SCN4A: variants seen among roughly 807,000 people sequenced by gnomAD.
SCN4A encodes the protein sodium channel protein type 4 subunit alpha.
In SCN4A, 83 loss-of-function variants were observed where a neutral mutation model predicts 162.0. That is an observed-to-expected ratio of 0.51 (90% CI 0.43 to 0.61). SCN4A has a LOEUF of 0.61. Ranked by LOEUF, SCN4A falls within the 20% of genes least tolerant of loss-of-function variation. The pLI, the probability that SCN4A is intolerant of heterozygous loss-of-function variation, is 0.00. For missense variants in SCN4A, 2,196 were observed against 2,462.5 expected (o/e 0.89, Z 2.29); for synonymous variants, 944 against 985.1 (o/e 0.96, Z 0.78).
chr17:63,950,922 G>C lies in SCN4A; in HGVS notation c.2853+502C>G, dbSNP rs879811843. ...TGTCCTCAACTCCCGTTGGCCCCTAGCTCCTCTCCTGAATCCCCTGCCTGG... is the reference window on the plus strand; with the variant it reads ...TGTCCTCAACTCCCGTTGGCCCCTACCTCCTCTCCTGAATCCCCTGCCTGG... On this transcript the variant is annotated intron_variant, in intron 14 of 23. Transcript: ENST00000435607. The surrounding 1 kb of genome is among the most constrained non-coding windows in gnomAD (Gnocchi z 4.6). 1.3e-5 allele frequency among the ~76,000 whole-genome samples: 2 copies of C among 152,226 alleles called. No individual in the cohort carries two copies. The highest frequency in any genetic ancestry group is 2.9e-5 in the Non-Finnish European group (2 of 68,032).
intron 18 of SCN4A, 47 bp downstream of exon 18, chr17:63,946,997 GC>G: frequency 6.6e-7 from 1 of 1,512,636 alleles, no homozygotes; most frequent in Non-Finnish European, 9.0e-7. Context: ...AGTGAAGGTG[GC>G]CGGTCCCCCA....
chr17:63,944,941 T>TCC lies in SCN4A; in HGVS notation c.3774+64_3774+65dup. 6.3e-7 allele frequency: 1 copy of TCC among 1,593,918 alleles called. No homozygotes were observed. The highest frequency in any genetic ancestry group is 1.1e-5 in the South Asian group (1 of 89,622). ...CGGGGACAGAACGTGCTGCCAAGTC[T>TCC]CCCTCCTGTCTTGAGTCCTCTTCCC... is the stretch of plus-strand genomic sequence containing the variant. On this transcript the variant is annotated intron_variant, in intron 20 of 23. Coordinates refer to ENST00000435607, the MANE Select transcript of SCN4A (RefSeq NM_000334.4). The surrounding 1 kb of genome is among the most constrained non-coding windows in gnomAD (Gnocchi z 4.3).
chr17:63,947,265 G>T, intron 17 of SCN4A, 98 bp from the exon 18 acceptor site: 1 of 1,486,424 alleles, frequency 6.7e-7, no homozygotes, highest in African/African-American at 1.4e-5. Context: ...GCTCCTGGTT[G>T]TCTCCCTTAG....
rs779564396 is a variant in SCN4A at position 63,941,031 on chromosome 17, A to C, written c.5251T>G (p.Ser1751Ala). Residue 1751 changes from serine (S) to alanine (A), a missense_variant, in exon 24 of 24, where the codon TCC (serine) becomes GCC (alanine). Ser to Ala is a moderately conservative substitution (Grantham distance 99). Transcript: ENST00000435607. The surrounding 1 kb of genome is among the most constrained non-coding windows in gnomAD (Gnocchi z 6.2). ...HLLQRSMKQA[S>A]YMYRHSHDGS... is the part of the protein sequence containing the mutation. ...TCGTGGCTGTGGCGGTACATGTAGG[A>C]TGCCTGCTTCATGGAGCGCTGTAGC... The C allele has an allele frequency of 6.2e-7, 1 of 1,613,852 alleles. No homozygotes were observed. Among genetic ancestry groups the C allele is most frequent in the Admixed American group, 1.7e-5 (1 of 60,008 alleles).
Position 63,945,448 on chromosome 17 carries a change from C to G in SCN4A, c.3632G>C (p.Ser1211Thr). ...GCGGACCTGGCCTGTGTGCATGAGG[C>G]TCTCGCACTCAGACTTGTTGTTGAC... Reference protein sequence around the residue: ...SEVNNKSECESLMHTGQVRWL... With the variant: ...SEVNNKSECETLMHTGQVRWL... The change falls in exon 19 of 24, where the codon AGC becomes ACC. Residue 1211 changes from serine to threonine, a missense_variant. Transcript: ENST00000435607. The surrounding 1 kb of genome is among the most constrained non-coding windows in gnomAD (Gnocchi z 4.4). 1 of 1,613,930 alleles carries G rather than the reference C, an allele frequency of 6.2e-7. No individual in the cohort carries two copies. The highest frequency in any genetic ancestry group is 8.5e-7 in the Non-Finnish European group (1 of 1,179,840).
chr17:63,959,936 T>G (rs1270397208), intron 11 of SCN4A, among the ~76,000 whole-genome samples: 1 of 152,158 alleles, frequency 6.6e-6, no homozygotes, highest in African/African-American at 2.4e-5. Flanking sequence ...CAGTTCAGCA[T>G]CCTGTCTGTA....
Position 63,951,683 on chromosome 17 carries a change from C to T in SCN4A, c.2594G>A (p.Gly865Glu), listed in dbSNP as rs1363503181. ...MLSLGEADGAGEAGEAGETAP... is the reference protein window; with the variant it reads ...MLSLGEADGAEEAGEAGETAP... The stretch of plus-strand genomic sequence containing the variant: ...AGTCTCCCCCGCCTCTCCAGCCTCC[C>T]CGGCCCCGTCAGCCTCCCCGAGGCT... The change falls in exon 14 of 24, where the codon GGG (glycine) becomes GAG (glutamate). Residue 865 changes from glycine (G) to glutamate (E), a missense_variant. By Grantham distance (98) the Gly-to-Glu change is moderately conservative. Coordinates refer to ENST00000435607, the MANE Select transcript of SCN4A (RefSeq NM_000334.4). This position sits in a 1 kb window ranked among gnomAD's most constrained non-coding sequence, Gnocchi z 4.5. 4.4e-6 allele frequency: 7 copies of T among 1,603,352 alleles called. No homozygotes were observed. The highest frequency in any genetic ancestry group is 5.1e-6 in the Non-Finnish European group (6 of 1,174,770).
chr17:63,959,736 T>C (rs1909185229), intron 11 of SCN4A, among the ~76,000 whole-genome samples: 1 of 152,208 alleles, frequency 6.6e-6, no homozygotes, highest in Non-Finnish European at 1.5e-5. Context: ...TGTCATAATA[T>C]TCAACATTTG....
chr17:63,946,896 G>A (rs1908742079), intron 18 of SCN4A, 149 bp downstream of exon 18: 2 of 745,248 alleles, frequency 2.7e-6, no homozygotes, highest in Non-Finnish European at 2.2e-6. Context: ...GGAGGTGGGG[G>A]CCAGACCTGG....
Position 63,941,455 on chromosome 17 carries a change from G to T in SCN4A, c.4827C>A (p.Ser1609Arg). ...ENFNVATEES[S>R]EPLGEDDFEM... ...CAAAGTCATCTTCACCAAGGGGCTCGCTGCTCTCCTCTGTGGCCACATTGA... is the reference window on the plus strand; with the variant it reads ...CAAAGTCATCTTCACCAAGGGGCTCTCTGCTCTCCTCTGTGGCCACATTGA... Residue 1609 changes from serine to arginine, a missense_variant, in exon 24 of 24, where the codon AGC becomes AGA. Transcript: ENST00000435607. This position sits in a 1 kb window ranked among gnomAD's most constrained non-coding sequence, Gnocchi z 6.2. 1 of 1,614,136 alleles carries T rather than the reference G, an allele frequency of 6.2e-7. No individual in the cohort carries two copies.
Position 63,959,415 on chromosome 17 carries a change from T to G in SCN4A, c.1869A>C (p.Ala623=). 3.7e-6 allele frequency: 6 copies of G among 1,613,894 alleles called. No homozygotes were observed. Among genetic ancestry groups the G allele is most frequent in the Non-Finnish European group, 5.1e-6 (6 of 1,179,828 alleles). ...TGGCAATCAGCTTCAGAACCATCTC[T>G]GCTGTGAAGATGCCTGTGAAGACCT... The part of the protein sequence containing the change: ...GNLVFTGIFT[A]EMVLKLIAMD... The change falls in exon 12 of 24, where the codon GCA becomes GCC. Residue 623 remains alanine, a synonymous_variant. Coordinates refer to ENST00000435607, the MANE Select transcript of SCN4A (RefSeq NM_000334.4).
chr17:63,954,587 C>T (rs1022371157), intron 13 of SCN4A, among the ~76,000 whole-genome samples: 8 of 152,302 alleles, frequency 5.3e-5, no homozygotes, highest in South Asian at 4.1e-4. Flanking sequence ...CACAGTTACC[C>T]GCAGGAAGTG....
chr17:63,947,211 G>A (rs1462871415), intron 17 of SCN4A, 44 bp from the exon 18 acceptor site: 1 of 1,609,882 alleles, frequency 6.2e-7, no homozygotes, highest in East Asian at 2.2e-5. Flanking sequence ...AAGGCCCCCA[G>A]CCTCCCCTCA....
rs765525226 is a variant in SCN4A at position 63,972,747 on chromosome 17, G to A, written c.95C>T (p.Ala32Val). ...CTGCAGCCGGGCCTCCTCCTCCACC[G>A]CCCGCTGTTCTATGGCTGCCAGTGA... ...RESLAAIEQR[A>V]VEEEARLQRN... The change falls in exon 1 of 24, where the codon GCG becomes GTG. Residue 32 changes from alanine to valine, a missense_variant. By Grantham distance (64) the Ala-to-Val change is moderately conservative. Coordinates refer to ENST00000435607, the MANE Select transcript of SCN4A (RefSeq NM_000334.4). The surrounding 1 kb of genome is among the most constrained non-coding windows in gnomAD (Gnocchi z 4.3). 9.3e-6 allele frequency: 15 copies of A among 1,613,426 alleles called. No individual in the cohort carries two copies. Among genetic ancestry groups the A allele is most frequent in the Non-Finnish European group, 1.2e-5 (14 of 1,179,746 alleles).
rs202000117 is a variant in SCN4A, at chr17:63,947,174, G to A, written c.3319-7C>T. 3.1e-6 allele frequency: 5 copies of A among 1,613,092 alleles called. No homozygotes were observed. Among genetic ancestry groups the A allele is most frequent in the Non-Finnish European group, 4.2e-6 (5 of 1,179,800 alleles). ...CCAAGCTGATGATGGAGACCTGCAGGGGAGGGGTGAGGGGATCAGTGCGTG... is the reference window on the plus strand; with the variant it reads ...CCAAGCTGATGATGGAGACCTGCAGAGGAGGGGTGAGGGGATCAGTGCGTG... On this transcript the variant is annotated splice_polypyrimidine_tract_variant and splice_region_variant and intron_variant, in intron 17 of 23. Coordinates refer to ENST00000435607, the MANE Select transcript of SCN4A (RefSeq NM_000334.4).
Position 63,972,767 on chromosome 17 carries a change from C to T in SCN4A, c.75G>A (p.Leu25=), listed in dbSNP as rs1173167316. ...ECLRPFTRES[L]AAIEQRAVEE... The stretch of plus-strand genomic sequence containing the variant: ...CCACCGCCCGCTGTTCTATGGCTGC[C>T]AGTGACTCCCGGGTGAAGGGGCGCA... The change falls in exon 1 of 24, where the codon CTG becomes CTA. Residue 25 remains leucine (L), a synonymous_variant. Transcript: ENST00000435607. This position sits in a 1 kb window ranked among gnomAD's most constrained non-coding sequence, Gnocchi z 4.3. The T allele has an allele frequency of 6.2e-7, 1 of 1,613,812 alleles. No homozygotes were observed. Among genetic ancestry groups the T allele is most frequent in the Non-Finnish European group, 8.5e-7 (1 of 1,179,826 alleles).
Position 63,944,606 on chromosome 17 carries a change from A to C in SCN4A, c.3912+67T>G. 6.6e-7 allele frequency: 1 copy of C among 1,524,892 alleles called. No homozygotes were observed. The highest frequency in any genetic ancestry group is 2.0e-5 in the Admixed American group (1 of 50,552). 94.5% of individuals were successfully genotyped at this position (1,524,892 alleles called of 1,614,324 possible). A position where few individuals can be genotyped will look rare whatever the true frequency, so the allele number is the denominator to read the frequency against. On this transcript the variant is annotated intron_variant, in intron 21 of 23. Transcript: ENST00000435607. The surrounding 1 kb of genome is among the most constrained non-coding windows in gnomAD (Gnocchi z 4.3). ...GCGTTTGTGGGTTTGTGCAATGGAG[A>C]GTGGACAAAGGAGGCAGGAGGGAGG...
chr17:63,951,355 A>G lies in SCN4A; in HGVS notation c.2853+69T>C. On this transcript the variant is annotated intron_variant, in intron 14 of 23. Transcript: ENST00000435607. The surrounding 1 kb of genome is among the most constrained non-coding windows in gnomAD (Gnocchi z 4.5). ...CTGGAGAAACTGAGGCTCAGAGAGGACTTAGGGCTTGCTCCAGGTCACAGG... is the reference window on the plus strand; with the variant it reads ...CTGGAGAAACTGAGGCTCAGAGAGGGCTTAGGGCTTGCTCCAGGTCACAGG... 1 of 1,074,612 alleles carries G rather than the reference A, an allele frequency of 9.3e-7. No homozygotes were observed. Among genetic ancestry groups the G allele is most frequent in the Non-Finnish European group, 1.4e-6 (1 of 739,156 alleles). The allele number at this position is 1,074,612 out of a possible 1,614,324, so 66.6% of individuals were successfully genotyped here. A position where few individuals can be genotyped will look rare whatever the true frequency, so the allele number is the denominator to read the frequency against.
At chr17:63,957,667 G>A (rs1156248758) in intron 12 of SCN4A, 149 bp from the exon 13 acceptor site, 1 of 618,532 alleles carries the variant, frequency 1.6e-6, no homozygotes, top group Admixed American at 2.8e-5. Context: ...TGCTAAATGG[G>A]AACACTCATT....
Sources: gnomAD v4.1 joint callset for allele counts (sites outside exome capture counted in the v4.1 genomes callset) on GRCh38, gnomAD v4.1.1 for gene constraint, Gnocchi (gnomAD v3.1) non-coding constraint, MANE v1.5 for transcripts, NCBI Gene and HGNC (gene_info 2026-07-23, HGNC 2026-07-21) for gene names.